Variants in POLN observed in about 807,000 individuals in gnomAD.
POLN encodes the protein DNA polymerase N.
In POLN, 108 loss-of-function variants were observed where a neutral mutation model predicts 113.5. The ratio of observed to expected loss-of-function variants is 0.95; its 90% CI spans 0.81 to 1.12. POLN has a LOEUF of 1.12. POLN is among the 50% of genes most tolerant of loss of function. POLN has a pLI of 0.00. For missense variants in POLN, 1,097 were observed against 1,077.1 expected (o/e 1.02, Z -0.26); for synonymous variants, 386 against 391.5 (o/e 0.99, Z 0.17).
At chr4:2,185,428 T>C (rs1422369918) in intron 7 of POLN, among the ~76,000 whole-genome samples, 6 of 152,250 alleles carry the variant, frequency 3.9e-5, no homozygotes, top group South Asian at 4.1e-4. Context: ...GGAGAACATA[T>C]AGATGAAAAG....
intron 5 of POLN, among the ~76,000 whole-genome samples, chr4:2,199,797 G>A (rs1367362578): frequency 2.0e-5 from 3 of 151,944 alleles, no homozygotes; most frequent in Middle Eastern, 3.4e-3. Flanking sequence ...GGCTGGTCTC[G>A]AACTCCTGAG....
At chr4:2,233,954 C>T (rs60945752) in intron 2 of POLN, among the ~76,000 whole-genome samples, 11,604 of 152,072 alleles carry the variant, frequency 0.076, 698 homozygotes, top group East Asian at 0.34. Flanking sequence ...GCACAAAAAA[C>T]CCCAATGACC....
chr4:2,092,068 C>T (rs1250742081), intron 20 of POLN, among the ~76,000 whole-genome samples: 1 of 152,210 alleles, frequency 6.6e-6, no homozygotes. Context: ...TCCCAACTCT[C>T]CCTGGGCTGG....
chr4:2,231,982 A>G (rs11937432), intron 2 of POLN: 74,101 of 1,487,268 alleles, frequency 0.05, 2,493 homozygotes, highest in African/African-American at 0.16. Flanking sequence ...ATTCTCCACA[A>G]TATCTTTCAG....
chr4:2,199,586 T>C (rs2108759924), intron 5 of POLN, among the ~76,000 whole-genome samples: 1 of 152,080 alleles, frequency 6.6e-6, no homozygotes, highest in South Asian at 2.1e-4. Flanking sequence ...TTTTATTTTA[T>C]TTTTTTTAGA....
At chr4:2,088,947 C>T (rs1730607584) in intron 20 of POLN, 1 of 993,046 alleles carries the variant, frequency 1.0e-6, no homozygotes, top group Non-Finnish European at 1.5e-6. Flanking sequence ...GCAGCAACGG[C>T]CTTGGTCCGA....
At chr4:2,224,643 C>T (rs1414558566) in intron 3 of POLN, among the ~76,000 whole-genome samples, 3 of 152,050 alleles carry the variant, frequency 2.0e-5, no homozygotes, top group Non-Finnish European at 4.4e-5. Flanking sequence ...TTTGTTTACG[C>T]CAGCATCACA....
At chr4:2,132,534 G>A (rs1351871336) in intron 16 of POLN, among the ~76,000 whole-genome samples, 3 of 152,128 alleles carry the variant, frequency 2.0e-5, no homozygotes, top group Non-Finnish European at 4.4e-5. Flanking sequence ...ACCAGGCCCA[G>A]AAACATCATA....
chr4:2,241,955 C>A, intron 1 of POLN, 96 bp downstream of exon 1: 2 of 985,446 alleles, frequency 2.0e-6, no homozygotes, highest in South Asian at 9.4e-5. Flanking sequence ...CCCAGGAGCG[C>A]AGGAAAAAAA....
intron 19 of POLN, among the ~76,000 whole-genome samples, chr4:2,103,076 AAG>A (rs960578413): frequency 3.9e-5 from 6 of 152,208 alleles, no homozygotes; most frequent in Non-Finnish European, 8.8e-5. Context: ...TTAACCAAAA[AAG>A]AAATCCTCAA....
At position 2,194,364 on chromosome 4, in the gene POLN, G is replaced by A. The variant is rs1478616475; in HGVS notation, c.909-1048C>T. Among the ~76,000 whole-genome samples the A allele has an allele frequency of 2.6e-5, 4 of 152,174 alleles. No homozygotes were observed. The East Asian group carries it at 5.8e-4, about 22-fold the overall frequency. On this transcript the variant is annotated intron_variant, in intron 6 of 25. Transcript: ENST00000511885. ...TGAGCTTTGCACACTTAGCCAAACTGCAGTTAGATTTTGCTTGGACTTGTT... is the reference window on the plus strand; with the variant it reads ...TGAGCTTTGCACACTTAGCCAAACTACAGTTAGATTTTGCTTGGACTTGTT...
At chr4:2,151,713 A>G (rs1383327492) in intron 16 of POLN, among the ~76,000 whole-genome samples, 1 of 152,240 alleles carries the variant, frequency 6.6e-6, no homozygotes, top group Non-Finnish European at 1.5e-5. Context: ...GGAGCCCGAC[A>G]GGAGGAGTCC....
intron 16 of POLN, among the ~76,000 whole-genome samples, chr4:2,152,701 A>C (rs577067628): frequency 6.6e-6 from 1 of 152,186 alleles, no homozygotes; most frequent in East Asian, 1.9e-4. Flanking sequence ...TTTTATGTGT[A>C]AAAAAATGGA....
chr4:2,209,851 G>A (rs527622698), intron 4 of POLN, among the ~76,000 whole-genome samples: 2 of 150,684 alleles, frequency 1.3e-5, no homozygotes, highest in South Asian at 4.2e-4. Context: ...TAGTAGAGAT[G>A]GGGTTTCACC....
At chr4:2,219,297 C>T (rs1734194711) in intron 3 of POLN, among the ~76,000 whole-genome samples, 1 of 152,098 alleles carries the variant, frequency 6.6e-6, no homozygotes, top group South Asian at 2.1e-4. Context: ...TTTCAGTATC[C>T]CTTTCCCCCT....
chr4:2,226,524 A>T (rs1278519007), intron 3 of POLN, among the ~76,000 whole-genome samples: 2 of 152,202 alleles, frequency 1.3e-5, no homozygotes, highest in Non-Finnish European at 2.9e-5. Context: ...AGTTACATGG[A>T]TGTTCTCTTA....
intron 12 of POLN, 98 bp from the exon 13 acceptor site, chr4:2,170,872 C>G: frequency 8.9e-7 from 1 of 1,121,746 alleles, no homozygotes; most frequent in Non-Finnish European, 1.3e-6. Context: ...AGAGAAGACA[C>G]ACCCAAACAG....
intron 16 of POLN, among the ~76,000 whole-genome samples, chr4:2,145,538 A>G (rs1287609497): frequency 2.6e-5 from 4 of 152,256 alleles, no homozygotes. Flanking sequence ...TGACAAATAA[A>G]CATAAAAATA....
intron 3 of POLN, among the ~76,000 whole-genome samples, chr4:2,219,575 T>C (rs952009870): frequency 6.6e-6 from 1 of 152,142 alleles, no homozygotes; most frequent in African/African-American, 2.4e-5. Context: ...CCCTGGTCTA[T>C]AGCAGACACC....
Sources: gnomAD v4.1 joint callset for allele counts (sites outside exome capture counted in the v4.1 genomes callset) on GRCh38, gnomAD v4.1.1 for gene constraint, MANE v1.5 for transcripts, NCBI Gene and HGNC (gene_info 2026-07-23, HGNC 2026-07-21) for gene names.